SPATA3: variants seen among roughly 807,000 people sequenced by gnomAD.
SPATA3 encodes spermatogenesis associated 3, also known as spermatogenesis-associated protein 3.
A neutral mutation model predicts 5.7 loss-of-function variants in SPATA3; 6 were observed. The observed-to-expected ratio is 1.06, with a 90% CI of 0.58 to 2.09. The LOEUF is 2.09. SPATA3 is among the 30% of genes most tolerant of loss of function. The pLI, the probability that SPATA3 is intolerant of heterozygous loss-of-function variation, is 0.00. For synonymous variants in SPATA3, 44 were observed against 48.4 expected (o/e 0.91, Z 0.37); for missense variants, 155 against 130.4 (o/e 1.19, Z -0.92).
At chr2:231,001,848 G>C (rs1428773819) in intron 2 of SPATA3, among the ~76,000 whole-genome samples, 2 of 152,210 alleles carry the variant, frequency 1.3e-5, no homozygotes, top group Non-Finnish European at 2.9e-5. Flanking sequence ...TCCTCTAGGA[G>C]AGGCTCCAAC....
At chr2:231,015,339 C>T (rs1011759818) in intron 6 of SPATA3, among the ~76,000 whole-genome samples, 5 of 145,204 alleles carry the variant, frequency 3.4e-5, no homozygotes, top group African/African-American at 1.0e-4. Context: ...GCCTTGGCCT[C>T]CCAAAGTGCT....
intron 1 of SPATA3, among the ~76,000 whole-genome samples, chr2:230,998,666 G>A (rs976372058): frequency 6.6e-6 from 1 of 152,188 alleles, no homozygotes; most frequent in Non-Finnish European, 1.5e-5. Context: ...CAGAAATATT[G>A]TAGCTCAAGA....
intron 1 of SPATA3, among the ~76,000 whole-genome samples, chr2:230,997,269 G>T (rs529396635): frequency 1.3e-5 from 2 of 152,194 alleles, no homozygotes; most frequent in East Asian, 3.8e-4. Flanking sequence ...TTTAAAAAAG[G>T]GAGTTTCCCT....
At chr2:231,005,340 C>T (rs200827387), downstream of SPATA3, among the ~76,000 whole-genome samples, 44 of 52,704 alleles carry the variant, frequency 8.3e-4, no homozygotes, top group East Asian at 1.3e-3. Flanking sequence ...ATCACCATCA[C>T]CATCATCACC....
At chr2:231,001,511 A>G (rs142991389) in intron 2 of SPATA3, among the ~76,000 whole-genome samples, 1 of 152,136 alleles carries the variant, frequency 6.6e-6, no homozygotes, top group African/African-American at 2.4e-5. Context: ...GTAAATAGAT[A>G]CCGGGGCGTG....
chr2:231,007,796 C>T (rs945989785), downstream of SPATA3, among the ~76,000 whole-genome samples: 5 of 152,148 alleles, frequency 3.3e-5, no homozygotes, highest in Non-Finnish European at 7.3e-5. Context: ...ACAGGCGACT[C>T]GAAATCTTAG....
At chr2:231,002,572 G>C in intron 2 of SPATA3, 112 bp from the exon 3 acceptor site, 3 of 565,590 alleles carry the variant, frequency 5.3e-6, no homozygotes, top group Non-Finnish European at 9.0e-6. Context: ...AGAGGGGGAA[G>C]ATGGGTATTC....
At chr2:231,003,059 C>A (rs749824866), downstream of SPATA3, among the ~76,000 whole-genome samples, 6 of 152,110 alleles carry the variant, frequency 3.9e-5, no homozygotes, top group African/African-American at 7.2e-5. Flanking sequence ...TGGTCATGGA[C>A]CCTGGACAAG....
At chr2:231,009,973 C>T (rs1021654521), downstream of SPATA3, among the ~76,000 whole-genome samples, 19 of 152,340 alleles carry the variant, frequency 1.2e-4, no homozygotes, top group Admixed American at 7.2e-4. Flanking sequence ...CAAGCAACAG[C>T]CCCTGATAGG....
At chr2:231,018,190 G>T (rs1391989466) in intron 6 of SPATA3, among the ~76,000 whole-genome samples, 1 of 152,104 alleles carries the variant, frequency 6.6e-6, no homozygotes. Flanking sequence ...CTCCCAAAGT[G>T]CTGGGACAAC....
chr2:230,997,637 A>C (rs1386637832), intron 1 of SPATA3, among the ~76,000 whole-genome samples: 1 of 152,244 alleles, frequency 6.6e-6, no homozygotes, highest in African/African-American at 2.4e-5. Context: ...TCGGCTCAAC[A>C]TAAAAAACTT....
chr2:231,004,600 GCTGGCCA>G (rs1327840710), downstream of SPATA3, among the ~76,000 whole-genome samples: 2 of 152,166 alleles, frequency 1.3e-5, no homozygotes, highest in East Asian at 3.8e-4. Context: ...ATGGGTGGAT[GCTGGCCA>G]CTGGCAACAT....
At chr2:231,015,005 G>A (rs1692892298) in intron 6 of SPATA3, among the ~76,000 whole-genome samples, 2 of 151,558 alleles carry the variant, frequency 1.3e-5, no homozygotes, top group South Asian at 4.2e-4. Context: ...TGGGAGAGAG[G>A]GGAGCACCAG....
intron 6 of SPATA3, among the ~76,000 whole-genome samples, chr2:231,019,174 T>A (rs1336709207): frequency 6.6e-6 from 1 of 151,478 alleles, no homozygotes; most frequent in Middle Eastern, 3.2e-3. Flanking sequence ...TTTCACCATG[T>A]TAGCCAGGAT....
At chr2:231,002,845 T>C, downstream of SPATA3, 1 of 1,168,822 alleles carries the variant, frequency 8.6e-7, no homozygotes, top group Non-Finnish European at 1.2e-6. Flanking sequence ...GAGCGCTCTG[T>C]CCCTTCGAAT....
At chr2:231,003,636 C>T (rs1692436141), downstream of SPATA3, among the ~76,000 whole-genome samples, 1 of 152,126 alleles carries the variant, frequency 6.6e-6, no homozygotes, top group Non-Finnish European at 1.5e-5. Flanking sequence ...GTAGGGACTG[C>T]ATGTCTTTGT....
At position 230,996,393 on chromosome 2, in the gene SPATA3, A is replaced by G. The variant is rs1371392452; in HGVS notation, c.791-3973A>G. 7.1e-6 allele frequency: 11 copies of G among 1,551,706 alleles called. No homozygotes were observed. The East Asian group carries it at 2.7e-4, about 38-fold the overall frequency. ...ACCACAGCAGCCTAGCCCTGAATCC[A>G]CACCACAGCATTCCAGCCTTGAAAC... On this transcript the variant is annotated intron_variant, in intron 1 of 2. Coordinates refer to ENST00000645363, the Ensembl canonical transcript of SPATA3.
intron 2 of SPATA3, among the ~76,000 whole-genome samples, chr2:231,002,085 T>C (rs1003147124): frequency 6.6e-6 from 1 of 152,220 alleles, no homozygotes; most frequent in Non-Finnish European, 1.5e-5. Context: ...GACATGTAGT[T>C]TTAATTCTGC....
downstream of SPATA3, among the ~76,000 whole-genome samples, chr2:231,006,234 G>T (rs1314989614): frequency 1.3e-5 from 2 of 148,304 alleles, no homozygotes; most frequent in Non-Finnish European, 3.0e-5. Flanking sequence ...GGGTGTGGTG[G>T]CTCACGCCTG....
Sources: allele counts gnomAD v4.1 joint callset (sites outside exome capture counted in the v4.1 genomes callset), GRCh38; gene constraint gnomAD v4.1.1; transcripts MANE v1.5; gene names NCBI Gene and HGNC (gene_info 2026-07-23, HGNC 2026-07-21).